The following IPO11 variants were observed in gnomAD, a reference collection of about 807,000 sequenced individuals.
IPO11 encodes the protein importin 11.
IPO11 carries 66 observed loss-of-function variants against 143.2 expected under a neutral mutation model. That is an observed-to-expected ratio of 0.46 (90% CI 0.38 to 0.57). The LOEUF is 0.57. Ranked by LOEUF, IPO11 falls within the 20% of genes least tolerant of loss-of-function variation. The pLI is 0.00. For synonymous variants in IPO11, 385 were observed against 377.8 expected (o/e 1.02, Z -0.22); for missense variants, 1,026 against 1,141.0 (o/e 0.90, Z 1.45).
chr5:62,617,950 T>C (rs1746202862), intron 29 of IPO11, among the ~76,000 whole-genome samples: 1 of 152,184 alleles, frequency 6.6e-6, no homozygotes, highest in African/African-American at 2.4e-5. Context: ...TGAGCCTATG[T>C]TTAGTTGAGC....
At chr5:62,420,170 A>T (rs1048056065) in intron 1 of IPO11, among the ~76,000 whole-genome samples, 4 of 151,902 alleles carry the variant, frequency 2.6e-5, no homozygotes, top group African/African-American at 9.7e-5. Context: ...ACACACCTGT[A>T]ATCCCAGCTA....
At chr5:62,489,414 G>A in intron 14 of IPO11, 65 bp downstream of exon 14, 1 of 1,174,294 alleles carries the variant, frequency 8.5e-7, no homozygotes, top group Non-Finnish European at 1.2e-6. Context: ...CTGTTTTGTG[G>A]TAGATTTTGT....
At chr5:62,419,309 T>C (rs763411893) in intron 1 of IPO11, among the ~76,000 whole-genome samples, 1 of 152,228 alleles carries the variant, frequency 6.6e-6, no homozygotes, top group Non-Finnish European at 1.5e-5. Flanking sequence ...TAGGGCATTA[T>C]TGTACACTTA....
At chr5:62,591,849 C>CTTAT (rs1228584427) in intron 28 of IPO11, among the ~76,000 whole-genome samples, 177 bp downstream of exon 28, 2 of 151,950 alleles carry the variant, frequency 1.3e-5, no homozygotes, top group South Asian at 2.1e-4. Flanking sequence ...TTGGTATCAC[C>CTTAT]TTATTTATTT....
intron 2 of IPO11, among the ~76,000 whole-genome samples, chr5:62,439,181 T>G (rs746055266): frequency 6.6e-6 from 1 of 152,114 alleles, no homozygotes; most frequent in Non-Finnish European, 1.5e-5. Context: ...TCAGAATTTC[T>G]TATTTTAATT....
chr5:62,549,867 A>G (rs1362745170), intron 24 of IPO11, among the ~76,000 whole-genome samples: 3 of 152,236 alleles, frequency 2.0e-5, no homozygotes, highest in Non-Finnish European at 4.4e-5. Context: ...TATGATTTCT[A>G]ATTTAATAAA....
intron 19 of IPO11, among the ~76,000 whole-genome samples, chr5:62,509,137 A>G (rs1486387500): frequency 6.6e-6 from 1 of 152,222 alleles, no homozygotes; most frequent in East Asian, 1.9e-4. Flanking sequence ...CCTACAGTTA[A>G]CTTTTCTAGT....
chr5:62,615,596 T>A (rs1006764136), intron 29 of IPO11, among the ~76,000 whole-genome samples: 1 of 152,188 alleles, frequency 6.6e-6, no homozygotes, highest in African/African-American at 2.4e-5. Flanking sequence ...GAACAAAATT[T>A]CAACAAAGTG....
At position 62,441,776 on chromosome 5, in the gene IPO11, C is replaced by T. The variant is rs538415970; in HGVS notation, c.139-1207C>T. Among the ~76,000 whole-genome samples, 5 of 151,588 alleles carry T rather than the reference C, an allele frequency of 3.3e-5. No homozygotes were observed. The East Asian group carries it at 9.7e-4, about 30-fold the overall frequency. ...TGGTGGTCCACCTGCCTCGGCCTCC[C>T]AGAGTGCAGGGATTACAGGCATGAA... On this transcript the variant is annotated intron_variant, in intron 2 of 29. Coordinates refer to ENST00000325324, the MANE Select transcript of IPO11 (RefSeq NM_016338.5).
chr5:62,560,704 G>A (rs1456589561), intron 26 of IPO11: 1 of 152,462 alleles, frequency 6.6e-6, no homozygotes, highest in African/African-American at 2.4e-5. Context: ...GCAGTTTGAG[G>A]TTGCAACTTG....
intron 27 of IPO11, 34 bp from the exon 28 acceptor site, chr5:62,591,543 C>A: frequency 8.3e-7 from 1 of 1,210,450 alleles, no homozygotes; most frequent in Non-Finnish European, 1.2e-6. Flanking sequence ...ATCTAGTATT[C>A]CAGTTAACCT....
intron 20 of IPO11, among the ~76,000 whole-genome samples, chr5:62,524,456 A>G (rs1184372275): frequency 6.6e-6 from 1 of 152,164 alleles, no homozygotes; most frequent in East Asian, 1.9e-4. Flanking sequence ...TTTTAAGTCT[A>G]CTGATAATCA....
At chr5:62,580,526 G>A (rs900451357) in intron 27 of IPO11, 4 of 1,551,338 alleles carry the variant, frequency 2.6e-6, no homozygotes, top group Admixed American at 2.0e-5. Flanking sequence ...CCTTGGGAAT[G>A]TAACTGCAAA....
At chr5:62,442,583 G>T (rs1049866852) in intron 2 of IPO11, among the ~76,000 whole-genome samples, 5 of 152,140 alleles carry the variant, frequency 3.3e-5, no homozygotes, top group African/African-American at 1.2e-4. Flanking sequence ...TCCAGGCTGG[G>T]TGTGGTGGCT....
At chr5:62,510,654 C>T (rs909684484) in intron 19 of IPO11, among the ~76,000 whole-genome samples, 2 of 152,162 alleles carry the variant, frequency 1.3e-5, no homozygotes, top group Admixed American at 6.6e-5. Context: ...ATGTTTGGCT[C>T]TCATGTCCCT....
In IPO11 at chr5:62,628,388, G is replaced by A. The variant is rs1746658126; in HGVS notation, c.*1070G>A. Reference sequence around the variant, plus strand: ...CCATTTATTGTAAGGAAACTTTAAAGCATTTTTTAGGAAATACTCAAAAGC... The same window carrying A: ...CCATTTATTGTAAGGAAACTTTAAAACATTTTTTAGGAAATACTCAAAAGC... On this transcript the variant is annotated 3_prime_UTR_variant, in exon 30 of 30. Coordinates refer to ENST00000325324, the MANE Select transcript of IPO11 (RefSeq NM_016338.5). 1 of 152,558 alleles carries A rather than the reference G, an allele frequency of 6.6e-6. No homozygotes were observed. The highest frequency in any genetic ancestry group is 2.1e-4 in the South Asian group (1 of 4,822). The allele number at this position is 152,558 out of a possible 1,614,324, so 9.5% of individuals were successfully genotyped here. A position where few individuals can be genotyped will look rare whatever the true frequency, so the allele number is the denominator to read the frequency against.
At chr5:62,480,334 T>G (rs966853801) in intron 9 of IPO11, among the ~76,000 whole-genome samples, 3 of 152,234 alleles carry the variant, frequency 2.0e-5, no homozygotes, top group African/African-American at 7.2e-5. Flanking sequence ...CTGTTTTGGT[T>G]ACTGTAGCCT....
chr5:62,601,240 A>C (rs1179790818), intron 28 of IPO11: 1 of 152,292 alleles, frequency 6.6e-6, no homozygotes, highest in African/African-American at 2.4e-5. Context: ...CAGATATTCA[A>C]AATAAAATGA....
At chr5:62,490,620 G>C (rs1746574164) in intron 15 of IPO11, among the ~76,000 whole-genome samples, 1 of 152,144 alleles carries the variant, frequency 6.6e-6, no homozygotes, top group South Asian at 2.1e-4. Flanking sequence ...GTAGGATATA[G>C]AGACATCATG....
Sources: gnomAD v4.1 joint callset for allele counts (sites outside exome capture counted in the v4.1 genomes callset) on GRCh38, gnomAD v4.1.1 for gene constraint, MANE v1.5 for transcripts, NCBI Gene and HGNC (gene_info 2026-07-23, HGNC 2026-07-21) for gene names.